The following CDK13 variants were observed in gnomAD, a reference collection of about 807,000 sequenced individuals.
CDK13 encodes cyclin dependent kinase 13, also known as cyclin-dependent kinase 13.
In CDK13, 40 loss-of-function variants were observed where a neutral mutation model predicts 137.6. That is an observed-to-expected ratio of 0.29 (90% CI 0.23 to 0.38). The LOEUF (loss-of-function observed/expected upper bound fraction) is 0.38. Ranked by LOEUF, CDK13 falls within the 10% of genes least tolerant of loss-of-function variation. The pLI is 1.00. For missense variants in CDK13, 1,704 were observed against 1,951.8 expected (o/e 0.87, Z 2.39); for synonymous variants, 869 against 760.1 (o/e 1.14, Z -2.36).
chr7:39,964,156 C>G (rs181409189), intron 1 of CDK13, among the ~76,000 whole-genome samples: 157 of 152,290 alleles, frequency 1.0e-3, no homozygotes, highest in African/African-American at 3.5e-3. Context: ...GGAGGGTTCC[C>G]TCTTTTTCTA....
intron 5 of CDK13, among the ~76,000 whole-genome samples, chr7:40,033,785 A>T (rs1187329682): frequency 1.3e-5 from 2 of 152,172 alleles, no homozygotes; most frequent in Non-Finnish European, 2.9e-5. Context: ...ATTTGTTCTC[A>T]GTCTTTTAGT....
At chr7:40,034,182 A>T (rs1288082489) in intron 5 of CDK13, among the ~76,000 whole-genome samples, 1 of 152,268 alleles carries the variant, frequency 6.6e-6, no homozygotes, top group Non-Finnish European at 1.5e-5. Context: ...ACTTGTTCAC[A>T]CTGAACCTCC....
At chr7:39,993,463 A>G (rs1426769055) in intron 2 of CDK13, among the ~76,000 whole-genome samples, 2 of 152,078 alleles carry the variant, frequency 1.3e-5, no homozygotes, top group Admixed American at 6.5e-5. Flanking sequence ...TTAAAGGTAT[A>G]TGTTAGGTTC....
chr7:39,975,624 A>G (rs1784088260), intron 1 of CDK13, among the ~76,000 whole-genome samples: 1 of 152,214 alleles, frequency 6.6e-6, no homozygotes, highest in African/African-American at 2.4e-5. Flanking sequence ...GTATGCATTA[A>G]TGTTGAAATG....
intron 7 of CDK13, among the ~76,000 whole-genome samples, chr7:40,056,791 A>T (rs1302550269): frequency 6.6e-6 from 1 of 152,218 alleles, no homozygotes; most frequent in East Asian, 1.9e-4. Flanking sequence ...TGATGGTTGA[A>T]TGTGTTGTGA....
chr7:39,984,908 G>A lies in CDK13; in HGVS notation c.1212-2691G>A, dbSNP rs545331895. ...AGAATCGCTTGAACCCAGGAGGCAG[G>A]ATAATCGCTTGAACCCGGTAGGCAA... On this transcript the variant is annotated intron_variant, in intron 1 of 13. Transcript: ENST00000181839. The A allele has an allele frequency of 2.6e-5, 4 of 151,700 alleles. No individual in the cohort carries two copies. In the East Asian group the frequency reaches 7.8e-4, roughly 30 times the overall value. The allele number at this position is 151,700 out of a possible 1,614,324, so 9.4% of individuals were successfully genotyped here.
intron 5 of CDK13, 62 bp from the exon 6 acceptor site, chr7:40,045,774 T>C: frequency 9.0e-7 from 1 of 1,112,550 alleles, no homozygotes; most frequent in Non-Finnish European, 1.3e-6. Context: ...TGTTAAAAAT[T>C]GTGAATTTAT....
chr7:40,026,948 G>C (rs975039202), intron 5 of CDK13, among the ~76,000 whole-genome samples: 1 of 152,326 alleles, frequency 6.6e-6, no homozygotes, highest in Non-Finnish European at 1.5e-5. Context: ...TTAGGGAGAT[G>C]ATTCGCACCT....
At chr7:40,082,790 CAAA>C (rs76440638) in intron 11 of CDK13, among the ~76,000 whole-genome samples, 8 of 61,098 alleles carry the variant, frequency 1.3e-4, no homozygotes, top group Non-Finnish European at 1.4e-4. Context: ...GACTCTGCCT[CAAA>C]AAAAAAAAAA....
rs1787016238 is a variant in CDK13 at position 40,095,044 on chromosome 7, G to A, written c.*64G>A. 7.7e-7 allele frequency: 1 copy of A among 1,299,542 alleles called. No individual in the cohort carries two copies. Among genetic ancestry groups the A allele is most frequent in the Admixed American group, 2.9e-5 (1 of 34,598 alleles). 80.5% of individuals were successfully genotyped at this position (1,299,542 alleles called of 1,614,324 possible). ...AAGACTTTTCTAGCTGCAATTTAAG[G>A]CAGCAATCCAAGAGACTTGAATAAT... On this transcript the variant is annotated 3_prime_UTR_variant, in exon 14 of 14. Transcript: ENST00000181839.
At chr7:40,092,093 A>C (rs373923992) in intron 12 of CDK13, among the ~76,000 whole-genome samples, 1 of 147,604 alleles carries the variant, frequency 6.8e-6, no homozygotes, top group African/African-American at 2.5e-5. Flanking sequence ...AGGCATTCCT[A>C]ACTTACCCAA....
chr7:39,955,837 A>T (rs1787388857), intron 1 of CDK13, among the ~76,000 whole-genome samples: 1 of 152,132 alleles, frequency 6.6e-6, no homozygotes, highest in African/African-American at 2.4e-5. Flanking sequence ...GAAGTTACTG[A>T]TGTCAGATTA....
intron 11 of CDK13, among the ~76,000 whole-genome samples, chr7:40,084,511 T>C (rs1161107277): frequency 6.6e-6 from 1 of 152,124 alleles, no homozygotes; most frequent in Non-Finnish European, 1.5e-5. Context: ...AATAACTCCA[T>C]TAATTGTATT....
At chr7:40,065,881 G>A (rs1039211909) in intron 9 of CDK13, among the ~76,000 whole-genome samples, 5 of 152,246 alleles carry the variant, frequency 3.3e-5, no homozygotes, top group African/African-American at 1.2e-4. Flanking sequence ...AACTTCATAT[G>A]AAAAGAGAGT....
In CDK13 at chr7:40,039,434, A is replaced by ATTTTTTTTTTTTTTTTTTTT. The variant is rs976319927; in HGVS notation, c.2354-6398_2354-6379dup. On this transcript the variant is annotated intron_variant, in intron 5 of 13. Transcript: ENST00000181839. ...AGGTGCCCACGACCATGCCCGGCTA[A>ATTTTTTTTTTTTTTTTTTTT]TTTTTTTTTTTTTTTTTTTTTTTGC... 5.9e-5 allele frequency among the ~76,000 whole-genome samples: 5 copies of ATTTTTTTTTTTTTTTTTTTT among 85,000 alleles called. 1 individual carries two copies. Among genetic ancestry groups the ATTTTTTTTTTTTTTTTTTTT allele is most frequent in the African/African-American group, 2.8e-4 (5 of 18,014 alleles). 55.8% of individuals were successfully genotyped at this position (85,000 alleles called of 152,430 possible).
chr7:40,084,208 C>T (rs955573876), intron 11 of CDK13, among the ~76,000 whole-genome samples: 3 of 151,924 alleles, frequency 2.0e-5, no homozygotes, highest in Non-Finnish European at 4.4e-5. Context: ...AGGCCGGGCG[C>T]AGTGGCTCAC....
intron 5 of CDK13, among the ~76,000 whole-genome samples, chr7:40,027,647 C>A (rs1013796442): frequency 6.7e-6 from 1 of 149,532 alleles, no homozygotes; most frequent in African/African-American, 2.5e-5. Flanking sequence ...TTCTATAACA[C>A]CCTTGGGCTT....
At chr7:40,020,787 T>C (rs1378149969) in intron 5 of CDK13, among the ~76,000 whole-genome samples, 1 of 152,222 alleles carries the variant, frequency 6.6e-6, no homozygotes, top group East Asian at 1.9e-4. Flanking sequence ...AGGAATAGAT[T>C]GCTTTAAATA....
At position 40,098,388 on chromosome 7, in the gene CDK13, C is replaced by A. The variant is rs773803844; in HGVS notation, c.*3408C>A. ...TTTTCCTTTTTTATTTTTATTTTTT[C>A]TTTTTTTAGGGGAAGGGGACTTGCT... On this transcript the variant is annotated 3_prime_UTR_variant, in exon 14 of 14. Coordinates refer to ENST00000181839, the MANE Select transcript of CDK13 (RefSeq NM_003718.5). 4 of 150,788 alleles carry A rather than the reference C, an allele frequency of 2.7e-5. No individual in the cohort carries two copies. Among genetic ancestry groups the A allele is most frequent in the Non-Finnish European group, 5.9e-5 (4 of 67,638 alleles). 9.3% of individuals were successfully genotyped at this position (150,788 alleles called of 1,614,324 possible).
Sources: allele counts gnomAD v4.1 joint callset (sites outside exome capture counted in the v4.1 genomes callset), GRCh38; gene constraint gnomAD v4.1.1; transcripts MANE v1.5; gene names NCBI Gene and HGNC (gene_info 2026-07-23, HGNC 2026-07-21).